Variants in TCF4 observed in about 807,000 individuals in gnomAD.
TCF4 encodes the protein SL3-3 enhancer factor 2.
A neutral mutation model predicts 82.1 loss-of-function variants in TCF4; 3 were observed. That is an observed-to-expected ratio of 0.04 (90% CI 0.02 to 0.09). The LOEUF is 0.09. TCF4 is among the 10% of genes least tolerant of loss of function. TCF4 has a pLI of 1.00. For missense variants in TCF4, 518 were observed against 852.7 expected, an observed-to-expected ratio of 0.61 and a Z score of 4.89; for synonymous variants, 276 against 309.6, an observed-to-expected ratio of 0.89 and a Z score of 1.14.
At chr18:55,409,298 C>T (rs777735857) in intron 5 of TCF4, among the ~76,000 whole-genome samples, 1 of 151,876 alleles carries the variant, frequency 6.6e-6, no homozygotes, top group Non-Finnish European at 1.5e-5. Flanking sequence ...ATTGCCCTGC[C>T]CCCCAACAGA....
At position 55,223,619 on chromosome 18, in the gene TCF4, C is replaced by T. The variant is rs1221549594; in HGVS notation, c.*4416G>A. The T allele has an allele frequency of 6.6e-6, 1 of 151,750 alleles. No homozygotes were observed. The highest frequency in any genetic ancestry group is 1.5e-5 in the Non-Finnish European group (1 of 67,910). 9.4% of individuals were successfully genotyped at this position (151,750 alleles called of 1,614,324 possible). ...GACACTTCTACAAATCAGAAATACACCAAAAACATGAAAAAATCGAGGCAC... is the reference window on the plus strand; with the variant it reads ...GACACTTCTACAAATCAGAAATACATCAAAAACATGAAAAAATCGAGGCAC... On this transcript the variant is annotated 3_prime_UTR_variant, in exon 20 of 20. Coordinates refer to ENST00000354452, the MANE Select transcript of TCF4 (RefSeq NM_001083962.2).
chr18:55,298,522 C>A lies in TCF4; in HGVS notation c.550-18866G>T, dbSNP rs190495337. ...GGAAAGCAATGTTTTTAGAAAAAAA[C>A]CCCAGCAAATTAAACTTCTCAGTAT... On this transcript the variant is annotated intron_variant, in intron 8 of 19. Transcript: ENST00000354452. 6.1e-3 allele frequency among the ~76,000 whole-genome samples: 823 copies of A among 134,710 alleles called. 7 individuals carry two copies. Among genetic ancestry groups the A allele is most frequent in the African/African-American group, 0.021 (760 of 36,986 alleles). The allele number at this position is 134,710 out of a possible 152,430, so 88.4% of individuals were successfully genotyped here. A position where few individuals can be genotyped will look rare whatever the true frequency, so the allele number is the denominator to read the frequency against.
At position 55,621,896 on chromosome 18, in the gene TCF4, T is replaced by C. The variant is rs1413748712; in HGVS notation, c.286+9402A>G. 1.2e-4 allele frequency among the ~76,000 whole-genome samples: 13 copies of C among 104,726 alleles called. No individual in the cohort carries two copies. In the South Asian group the frequency reaches 2.4e-3, roughly 20 times the overall value. 68.7% of individuals were successfully genotyped at this position (104,726 alleles called of 152,430 possible). ...CTATATATAATATATACATTATATA[T>C]TATATATACACTATATATTATATAT... On this transcript the variant is annotated intron_variant, in intron 2 of 20. Coordinates refer to the TCF4 transcript ENST00000398339.
intron 6 of TCF4, among the ~76,000 whole-genome samples, chr18:55,359,030 T>C (rs1001581519): frequency 2.6e-5 from 4 of 152,232 alleles, no homozygotes; most frequent in African/African-American, 9.6e-5. Flanking sequence ...TATATTATAA[T>C]GTAAGTTTGG....
At chr18:55,321,540 A>G (rs1229898512) in intron 8 of TCF4, 13 of 1,353,306 alleles carry the variant, frequency 9.6e-6, no homozygotes, top group Non-Finnish European at 1.3e-5. Context: ...CAAATGATAA[A>G]TATTTCATGG....
chr18:55,489,615 C>CA (rs1002970064), intron 3 of TCF4, among the ~76,000 whole-genome samples: 2 of 151,904 alleles, frequency 1.3e-5, no homozygotes, highest in East Asian at 3.9e-4. Flanking sequence ...ACCAAACAAA[C>CA]AAAAAAACAA....
chr18:55,279,798 C>A (rs1186857119), intron 8 of TCF4, 142 bp from the exon 9 acceptor site: 1 of 1,309,342 alleles, frequency 7.6e-7, no homozygotes, highest in African/African-American at 1.5e-5. Flanking sequence ...GAAACAGTGC[C>A]CTTTCCGAAC....
At chr18:55,418,261 TAAGG>T (rs979579521) in intron 5 of TCF4, among the ~76,000 whole-genome samples, 10 of 152,126 alleles carry the variant, frequency 6.6e-5, no homozygotes, top group African/African-American at 2.4e-4. Flanking sequence ...TTGCCTTAAT[TAAGG>T]ATAACATTGC....
chr18:55,259,646 G>T, intron 13 of TCF4: 2 of 304,778 alleles, frequency 6.6e-6, no homozygotes, highest in South Asian at 5.3e-5. Context: ...ACGTTTTATT[G>T]GAATACATTA....
chr18:55,356,560 C>T (rs572719150), intron 6 of TCF4, among the ~76,000 whole-genome samples: 18 of 152,042 alleles, frequency 1.2e-4, no homozygotes, highest in Non-Finnish European at 2.4e-4. Context: ...TTACAGTTAA[C>T]CAACTAGATA....
intron 3 of TCF4, among the ~76,000 whole-genome samples, chr18:55,493,558 G>A (rs2096597528): frequency 6.6e-6 from 1 of 152,012 alleles, no homozygotes. Flanking sequence ...TACATTAAAA[G>A]CAAATAATGG....
At chr18:55,304,979 T>G (rs1153637) in intron 8 of TCF4, among the ~76,000 whole-genome samples, 77,976 of 151,862 alleles carry the variant, frequency 0.51, 22,360 homozygotes, top group African/African-American at 0.79. Context: ...AAAGGAAGCA[T>G]GGTGACAGCA....
At chr18:55,256,995 G>A (rs986608879) in intron 14 of TCF4, among the ~76,000 whole-genome samples, 1 of 152,128 alleles carries the variant, frequency 6.6e-6, no homozygotes, top group Non-Finnish European at 1.5e-5. Flanking sequence ...TGGAGTTCCA[G>A]CACTCTGATA....
At position 55,362,437 on chromosome 18, in the gene TCF4, A is replaced by AAGGAAGGAAG. The variant is rs1569192813; in HGVS notation, c.370-11435_370-11434insCTTCCTTCCT. On this transcript the variant is annotated intron_variant, in intron 6 of 19. Coordinates refer to ENST00000354452, the MANE Select transcript of TCF4 (RefSeq NM_001083962.2). Reference sequence around the variant, plus strand: ...AGGAAGGAAGGAAGGAAGGAAGGAAAAAAAAAAAGAAGAAAACATGTATCT... The same window carrying AAGGAAGGAAG: ...AGGAAGGAAGGAAGGAAGGAAGGAAAAGGAAGGAAGAAAAAAAAGAAGAAAACATGTATCT... Among the ~76,000 whole-genome samples, 48 of 113,148 alleles carry AAGGAAGGAAG rather than the reference A, an allele frequency of 4.2e-4. 1 individual carries two copies. Among genetic ancestry groups the AAGGAAGGAAG allele is most frequent in the African/African-American group, 1.9e-3 (47 of 25,334 alleles). The allele number at this position is 113,148 out of a possible 152,430, so 74.2% of individuals were successfully genotyped here.
At chr18:55,628,271 T>C (rs2097728508) in intron 2 of TCF4, among the ~76,000 whole-genome samples, 1 of 152,166 alleles carries the variant, frequency 6.6e-6, no homozygotes, top group Non-Finnish European at 1.5e-5. Context: ...TGAACTCTCA[T>C]GTGTACATAT....
At chr18:55,390,286 T>TAAA (rs56965997) in intron 6 of TCF4, among the ~76,000 whole-genome samples, 31 of 82,226 alleles carry the variant, frequency 3.8e-4, no homozygotes, top group African/African-American at 5.1e-4. Flanking sequence ...CCCTGACTCT[T>TAAA]AAAAAAAAAA....
intron 5 of TCF4, among the ~76,000 whole-genome samples, chr18:55,456,854 C>A (rs1026825428): frequency 2.0e-5 from 3 of 152,080 alleles, no homozygotes; most frequent in Admixed American, 6.6e-5. Context: ...ATCCAATGGA[C>A]CACCTAGGAA....
chr18:55,245,463 TA>T (rs986587628), intron 15 of TCF4, among the ~76,000 whole-genome samples: 4 of 152,172 alleles, frequency 2.6e-5, no homozygotes, highest in Admixed American at 6.5e-5. Context: ...AATTTGGATG[TA>T]AAAAATATAC....
chr18:55,240,852 G>T (rs2050990138), intron 15 of TCF4, among the ~76,000 whole-genome samples: 1 of 152,110 alleles, frequency 6.6e-6, no homozygotes, highest in South Asian at 2.1e-4. Context: ...CTTTTGTTTG[G>T]ATTTTTACTT....
Sources: gnomAD v4.1 joint callset for allele counts (sites outside exome capture counted in the v4.1 genomes callset) on GRCh38, gnomAD v4.1.1 for gene constraint, MANE v1.5 for transcripts, NCBI Gene and HGNC (gene_info 2026-07-23, HGNC 2026-07-21) for gene names.